The following UBA52 variants were observed in gnomAD, a reference collection of about 807,000 sequenced individuals.
The protein encoded by UBA52 is ubiquitin A-52 residue ribosomal protein fusion product 1.
Under a neutral mutation model 15.3 loss-of-function variants are expected in UBA52, and 1 was observed. The ratio of observed to expected loss-of-function variants is 0.07; its 90% CI spans 0.02 to 0.31. The LOEUF is 0.31. UBA52 is among the 10% of genes least tolerant of loss of function. The pLI is 1.00. For missense variants in UBA52, 87 were observed against 168.0 expected, an observed-to-expected ratio of 0.52 and a Z score of 2.66; for synonymous variants, 50 against 58.3, an observed-to-expected ratio of 0.86 and a Z score of 0.65.
chr19:18,573,248 G>A, intron 1 of UBA52, 45 bp from the exon 2 acceptor site: 2 of 1,568,852 alleles, frequency 1.3e-6, no homozygotes, highest in Non-Finnish European at 1.8e-6. Context: ...TGCTACTCAG[G>A]CATGCATTGC....
At chr19:18,568,490 C>T (rs1330141540), upstream of UBA52, 8 of 1,614,148 alleles carry the variant, frequency 5.0e-6, no homozygotes, top group Non-Finnish European at 6.8e-6. Flanking sequence ...CAGAACAGAG[C>T]ACGGGCTCAT....
intron 3 of UBA52, 142 bp from the exon 4 acceptor site, chr19:18,574,728 C>T (rs1975697509): frequency 1.0e-5 from 11 of 1,058,306 alleles, no homozygotes; most frequent in East Asian, 5.2e-5. Flanking sequence ...ATCTTCCACA[C>T]GTAGAACACT....
At position 18,575,615 on chromosome 19, in the gene UBA52, G is replaced by T; in HGVS notation, c.*465G>T. On this transcript the variant is annotated 3_prime_UTR_variant, in exon 5 of 5. Transcript: ENST00000442744. ...AAATTTTTTTATTTTATACAAATGG[G>T]GTCTCACTATGTTGTCCAGGCTGGT... The T allele has an allele frequency of 5.3e-6, 1 of 187,498 alleles. No homozygotes were observed. The highest frequency in any genetic ancestry group is 1.1e-5 in the Non-Finnish European group (1 of 88,802). 11.6% of individuals were successfully genotyped at this position (187,498 alleles called of 1,614,324 possible).
chr19:18,567,428 A>G (rs1975303947), upstream of UBA52: 2 of 679,862 alleles, frequency 2.9e-6, no homozygotes, highest in Middle Eastern at 2.4e-4. Context: ...AAGCAGCATG[A>G]CAATCCTTAT....
At chr19:18,573,499 A>T (rs1975612857) in intron 2 of UBA52, 96 bp downstream of exon 2, 2 of 1,323,990 alleles carry the variant, frequency 1.5e-6, no homozygotes, top group South Asian at 2.4e-5. Context: ...CTGACTTTAG[A>T]TCTGTTTTGC....
chr19:18,573,590 G>GC (rs1415664860), intron 2 of UBA52, 72 bp from the exon 3 acceptor site: 51 of 1,524,256 alleles, frequency 3.3e-5, no homozygotes, highest in Non-Finnish European at 4.5e-5. Context: ...GGTAGTGCTG[G>GC]AGCTCCCCTG....
At chr19:18,565,258 C>T in the UBA52 span, 1 of 1,201,650 alleles carries the variant, frequency 8.3e-7, no homozygotes, top group Non-Finnish European at 1.1e-6. Context: ...GAGACGGAGT[C>T]TCGCTCTGTT....
the UBA52 span, chr19:18,564,719 CAA>C: frequency 1.2e-6 from 1 of 849,886 alleles, no homozygotes; most frequent in Non-Finnish European, 1.9e-6. Context: ...CTAGGTGGCT[CAA>C]AGAGTAGGTA....
At position 18,576,895 on chromosome 19, in the gene UBA52, T is replaced by G. The variant is rs1269993051; in HGVS notation, c.*1745T>G. On this transcript the variant is annotated 3_prime_UTR_variant, in exon 5 of 5. Transcript: ENST00000442744. ...GTTGGCCAGGCTGGTCTTGAACTACTGACCTCTTGTGATCTACCTGTCTTG... is the reference window on the plus strand; with the variant it reads ...GTTGGCCAGGCTGGTCTTGAACTACGGACCTCTTGTGATCTACCTGTCTTG... 1 of 151,852 alleles carries G rather than the reference T, an allele frequency of 6.6e-6. No homozygotes were observed. The highest frequency in any genetic ancestry group is 1.5e-5 in the Non-Finnish European group (1 of 67,974). The allele number at this position is 151,852 out of a possible 1,614,324, so 9.4% of individuals were successfully genotyped here.
At chr19:18,570,520 T>G (rs1441135387), upstream of UBA52, among the ~76,000 whole-genome samples, 10 of 141,674 alleles carry the variant, frequency 7.1e-5, no homozygotes, top group African/African-American at 2.7e-4. Flanking sequence ...TTTTTTTTTT[T>G]TTTTTTTTTT....
chr19:18,572,903 G>C, intron 1 of UBA52: 4 of 1,083,524 alleles, frequency 3.7e-6, no homozygotes, highest in Non-Finnish European at 4.5e-6. Flanking sequence ...CCTGGCTGCC[G>C]TGGAAGAGGG....
chr19:18,568,640 C>T (rs1444326167), upstream of UBA52: 16 of 1,600,562 alleles, frequency 1.0e-5, no homozygotes, highest in South Asian at 1.2e-4. Context: ...AGCCCTGCTG[C>T]CCGGTGCCTT....
intron 1 of UBA52, chr19:18,572,882 G>T: frequency 9.3e-7 from 1 of 1,069,936 alleles, no homozygotes; most frequent in Non-Finnish European, 1.1e-6. Flanking sequence ...AGCAGCCTGT[G>T]CAGATCAGGA....
intron 3 of UBA52, among the ~76,000 whole-genome samples, chr19:18,574,483 G>A (rs1405213402): frequency 6.6e-6 from 1 of 151,962 alleles, no homozygotes; most frequent in Non-Finnish European, 1.5e-5. Context: ...GTAGAGACAG[G>A]GTTTCACTAC....
chr19:18,567,089 C>T, upstream of UBA52: 1 of 1,605,122 alleles, frequency 6.2e-7, no homozygotes, highest in Non-Finnish European at 8.5e-7. Flanking sequence ...CCCAGCCTAC[C>T]TGCTCAGCAG....
chr19:18,573,254 A>G, intron 1 of UBA52, 39 bp from the exon 2 acceptor site: 1 of 1,589,558 alleles, frequency 6.3e-7, no homozygotes, highest in Non-Finnish European at 8.6e-7. Context: ...TCAGGCATGC[A>G]TTGCTCACCA....
intron 3 of UBA52, 33 bp downstream of exon 3, chr19:18,573,781 A>G (rs781300578): frequency 6.2e-7 from 1 of 1,601,280 alleles, no homozygotes; most frequent in Admixed American, 1.7e-5. Flanking sequence ...GCAGGGACCC[A>G]AGATCCCCAG....
chr19:18,567,062 T>C (rs1215365137), upstream of UBA52: 2 of 1,466,714 alleles, frequency 1.4e-6, no homozygotes, highest in African/African-American at 2.8e-5. Flanking sequence ...CAGCAGGGGC[T>C]TGTGGCCAGC....
intron 1 of UBA52, 70 bp downstream of exon 1, chr19:18,571,979 G>C (rs1400387780): frequency 6.6e-6 from 1 of 152,494 alleles, no homozygotes; most frequent in Non-Finnish European, 1.5e-5. Flanking sequence ...AGAAGAGGCG[G>C]CCCTGAGCTG....
Sources: allele counts gnomAD v4.1 joint callset (sites outside exome capture counted in the v4.1 genomes callset), GRCh38; gene constraint gnomAD v4.1.1; transcripts MANE v1.5; gene names NCBI Gene and HGNC (gene_info 2026-07-23, HGNC 2026-07-21).